EYS: variants seen among roughly 807,000 people sequenced by gnomAD.
EYS encodes the protein protein eyes shut homolog.
EYS carries 250 observed loss-of-function variants against 282.1 expected under a neutral mutation model. That is an observed-to-expected ratio of 0.89 (90% CI 0.80 to 0.98). The LOEUF (loss-of-function observed/expected upper bound fraction) is 0.98. Among genes scored for constraint, EYS ranks in the 50% least tolerant of loss-of-function variants. The probability of loss-of-function intolerance (pLI) is 0.00; values close to 1 mark genes in which losing one functional copy is unlikely to be tolerated. For synonymous variants in EYS, 1,355 were observed against 1,282.9 expected (o/e 1.06, Z -1.20); for missense variants, 4,016 against 3,709.0 (o/e 1.08, Z -2.15).
At chr6:64,052,542 GA>G (rs1024624746) in intron 33 of EYS, among the ~76,000 whole-genome samples, 1 of 151,914 alleles carries the variant, frequency 6.6e-6, no homozygotes, top group Non-Finnish European at 1.5e-5. Flanking sequence ...TTTCTAAGAT[GA>G]AAAAAATATT....
intron 22 of EYS, among the ~76,000 whole-genome samples, chr6:64,659,550 G>A (rs1768908778): frequency 6.6e-6 from 1 of 151,552 alleles, no homozygotes; most frequent in Non-Finnish European, 1.5e-5. Context: ...ATGATAAAGG[G>A]GATACCACCA....
chr6:63,727,735 A>T (rs867270441), intron 41 of EYS, among the ~76,000 whole-genome samples: 830 of 50,132 alleles, frequency 0.017, 32 homozygotes, highest in African/African-American at 0.072. Flanking sequence ...AAAAAAAAAA[A>T]AAATATATAT....
At chr6:64,105,599 C>T (rs1044743155) in intron 31 of EYS, among the ~76,000 whole-genome samples, 1 of 152,100 alleles carries the variant, frequency 6.6e-6, no homozygotes, top group African/African-American at 2.4e-5. Flanking sequence ...TCATCCTTCC[C>T]TCCCTCTCAT....
At chr6:65,241,849 T>A (rs1176326883) in intron 12 of EYS, among the ~76,000 whole-genome samples, 1 of 152,100 alleles carries the variant, frequency 6.6e-6, no homozygotes, top group African/African-American at 2.4e-5. Context: ...ATTGACTCCT[T>A]CTGCTTCCCT....
intron 26 of EYS, among the ~76,000 whole-genome samples, chr6:64,533,835 A>C (rs1256686062): frequency 2.6e-5 from 4 of 151,960 alleles, no homozygotes; most frequent in Middle Eastern, 3.4e-3. Context: ...ACATATGCAC[A>C]TGCATATGCA....
At chr6:64,327,353 G>T (rs556147237) in intron 29 of EYS, among the ~76,000 whole-genome samples, 1 of 151,976 alleles carries the variant, frequency 6.6e-6, no homozygotes, top group Non-Finnish European at 1.5e-5. Context: ...GGGAGGAAAA[G>T]TATCAAAGCC....
intron 36 of EYS, among the ~76,000 whole-genome samples, chr6:63,863,820 C>T (rs554546809): frequency 5.3e-5 from 8 of 151,726 alleles, no homozygotes; most frequent in South Asian, 2.1e-4. Flanking sequence ...GGATTATAGG[C>T]GCATGCCACC....
chr6:65,663,871 T>C lies in EYS; in HGVS notation c.-447-23979A>G, dbSNP rs1468719667. On this transcript the variant is annotated intron_variant, in intron 1 of 42. Transcript: ENST00000503581. ...AATTTTTTGTTTTTTCTTTTCTTTT[T>C]TTTTTTTTTTTTTTTTTGAGACCGG... Among the ~76,000 whole-genome samples the C allele has an allele frequency of 1.9e-3, 259 of 136,272 alleles. 8 individuals carry two copies. The highest frequency in any genetic ancestry group is 0.017 in the Admixed American group (232 of 13,534). The allele number at this position is 136,272 out of a possible 152,430, so 89.4% of individuals were successfully genotyped here.
At chr6:64,984,614 A>G (rs745938936) in intron 14 of EYS, among the ~76,000 whole-genome samples, 1 of 151,440 alleles carries the variant, frequency 6.6e-6, no homozygotes, top group Non-Finnish European at 1.5e-5. Context: ...TGAAAATAAG[A>G]AAGAATTAGC....
chr6:64,673,490 C>A (rs559985680), intron 22 of EYS, among the ~76,000 whole-genome samples: 19 of 152,192 alleles, frequency 1.2e-4, no homozygotes, highest in Middle Eastern at 3.4e-3. Context: ...TGAGTTGAAA[C>A]TTTGATGTAC....
At position 64,544,934 on chromosome 6, in the gene EYS, C is replaced by G. The variant is rs1223925721; in HGVS notation, c.5644+45289G>C. On this transcript the variant is annotated intron_variant, in intron 26 of 42. Coordinates refer to ENST00000503581, the MANE Select transcript of EYS (RefSeq NM_001142800.2). Reference sequence around the variant, plus strand: ...AGATGGATTCACAGCCAAATTCTACCAGAGGTACAAGTAGGAGCTGGTACG... The same window carrying G: ...AGATGGATTCACAGCCAAATTCTACGAGAGGTACAAGTAGGAGCTGGTACG... Among the ~76,000 whole-genome samples the G allele has an allele frequency of 3.9e-5, 6 of 152,198 alleles. No homozygotes were observed. In the South Asian group the frequency reaches 1.2e-3, roughly 32 times the overall value.
At chr6:63,930,020 G>A (rs1361712820) in intron 35 of EYS, among the ~76,000 whole-genome samples, 7 of 152,144 alleles carry the variant, frequency 4.6e-5, no homozygotes, top group African/African-American at 1.7e-4. Context: ...CCTACCGTGT[G>A]AGATTAAAAT....
intron 33 of EYS, among the ~76,000 whole-genome samples, chr6:64,011,124 G>GC (rs1768601788): frequency 6.6e-6 from 1 of 152,062 alleles, no homozygotes; most frequent in South Asian, 2.1e-4. Context: ...TAGCAAGTAT[G>GC]TACTCTTACC....
intron 19 of EYS, among the ~76,000 whole-genome samples, chr6:64,878,863 C>A (rs945749344): frequency 2.6e-5 from 4 of 151,960 alleles, no homozygotes; most frequent in Admixed American, 6.6e-5. Context: ...TAATGTCATG[C>A]CAGCCTCTTG....
chr6:63,906,110 A>G (rs1467633193), intron 35 of EYS, among the ~76,000 whole-genome samples: 1 of 152,236 alleles, frequency 6.6e-6, no homozygotes, highest in African/African-American at 2.4e-5. Flanking sequence ...CTAATTTGTT[A>G]TAAAATGTAG....
chr6:65,317,825 C>CCTTCCTTTCTTTCTTTCTTT (rs1562092985), intron 11 of EYS, among the ~76,000 whole-genome samples: 8 of 81,260 alleles, frequency 9.8e-5, no homozygotes, highest in East Asian at 3.1e-4. Flanking sequence ...TTCCTTCCTT[C>CCTTCCTTTCTTTCTTTCTTT]CTTTCTTTCT....
At chr6:64,208,951 T>G (rs972752820) in intron 31 of EYS, among the ~76,000 whole-genome samples, 3 of 152,148 alleles carry the variant, frequency 2.0e-5, no homozygotes, top group African/African-American at 7.2e-5. Flanking sequence ...AATGTTCTCT[T>G]GCAATGAAAT....
At chr6:64,449,009 T>A (rs1052159824) in intron 26 of EYS, among the ~76,000 whole-genome samples, 8 of 152,164 alleles carry the variant, frequency 5.3e-5, no homozygotes, top group African/African-American at 1.9e-4. Context: ...GGACGGAGAA[T>A]GACTTTGATG....
chr6:63,962,588 A>T (rs1348540348), intron 35 of EYS, among the ~76,000 whole-genome samples: 1 of 152,202 alleles, frequency 6.6e-6, no homozygotes, highest in Non-Finnish European at 1.5e-5. Flanking sequence ...TGGAATGGTG[A>T]TCATTAAAAA....
Sources: allele counts gnomAD v4.1 joint callset (sites outside exome capture counted in the v4.1 genomes callset), GRCh38; gene constraint gnomAD v4.1.1; transcripts MANE v1.5; gene names NCBI Gene and HGNC (gene_info 2026-07-23, HGNC 2026-07-21).